ZNF519: variants seen among roughly 807,000 people sequenced by gnomAD.
ZNF519 encodes the protein similar to Zinc finger protein 85 (Zinc finger protein HPF4) (HTF1).
A neutral mutation model predicts 7.4 loss-of-function variants in ZNF519; 7 were observed. The observed-to-expected ratio is 0.94, with a 90% CI of 0.54 to 1.77. ZNF519 has a LOEUF of 1.77. ZNF519 is among the 40% of genes most tolerant of loss of function. ZNF519 has a pLI of 0.00. For synonymous variants in ZNF519, 179 were observed against 203.3 expected, an observed-to-expected ratio of 0.88 and a Z score of 1.02; for missense variants, 586 against 623.1, an observed-to-expected ratio of 0.94 and a Z score of 0.63.
At chr18:14,092,492 C>A (rs2046118612) in intron 2 of ZNF519, among the ~76,000 whole-genome samples, 1 of 152,134 alleles carries the variant, frequency 6.6e-6, no homozygotes, top group African/African-American at 2.4e-5. Flanking sequence ...GAAGTTACCA[C>A]AACAGAGATG....
At chr18:14,107,307 G>A (rs2046198229) in intron 2 of ZNF519, among the ~76,000 whole-genome samples, 1 of 152,184 alleles carries the variant, frequency 6.6e-6, no homozygotes, top group Admixed American at 6.5e-5. Flanking sequence ...CTAGCTCCTA[G>A]TTAAAATTTC....
intron 2 of ZNF519, among the ~76,000 whole-genome samples, chr18:14,094,673 G>T (rs2046128014): frequency 6.6e-6 from 1 of 152,114 alleles, no homozygotes; most frequent in Non-Finnish European, 1.5e-5. Context: ...ATTGGATTTG[G>T]TTTTCTAGTA....
chr18:14,113,318 C>G (rs544489002), intron 2 of ZNF519, among the ~76,000 whole-genome samples: 85 of 152,202 alleles, frequency 5.6e-4, no homozygotes, highest in Non-Finnish European at 8.1e-4. Flanking sequence ...TGATTGCCTC[C>G]TTTGGAAAGG....
intron 3 of ZNF519, chr18:14,078,373 T>C (rs530313006): frequency 6.6e-6 from 1 of 152,268 alleles, no homozygotes; most frequent in Non-Finnish European, 1.5e-5. Context: ...ATTATATATA[T>C]TCTAAGAATA....
intron 2 of ZNF519, among the ~76,000 whole-genome samples, chr18:14,114,629 G>A (rs1390874596): frequency 6.6e-6 from 1 of 152,158 alleles, no homozygotes; most frequent in South Asian, 2.1e-4. Context: ...TGGAGGGAGA[G>A]AGCAGAATTG....
chr18:14,076,004 C>T (rs2046046203), exon 5 of ZNF519: 1 of 151,866 alleles, frequency 6.6e-6, no homozygotes, highest in Non-Finnish European at 1.5e-5. Context: ...ACAAAGTAAG[C>T]AATTTATTAT....
chr18:14,132,318 C>A lies in ZNF519; in HGVS notation c.-41G>T, dbSNP rs757232706. On this transcript the variant is annotated 5_prime_UTR_variant, in exon 1 of 3. An upstream start codon of the reference 5' UTR is lost. Transcript: ENST00000590202. ...GTGTCCTGGAGTCTTAGCTATAAAT[C>A]ATTCAATGCCAGCAGGTCACAGAGC... 30 of 1,611,788 alleles carry A rather than the reference C, an allele frequency of 1.9e-5. No homozygotes were observed. The Middle Eastern group carries it at 1.5e-3, about 80-fold the overall frequency.
intron 3 of ZNF519, among the ~76,000 whole-genome samples, chr18:14,079,023 G>C (rs2046059884): frequency 6.6e-6 from 1 of 152,164 alleles, no homozygotes; most frequent in African/African-American, 2.4e-5. Flanking sequence ...GGCAGATTTT[G>C]GTGGAAGTGA....
rs969861066 is a variant in ZNF519 at position 14,120,591 on chromosome 18, T to A, written c.130+3759A>T. The stretch of plus-strand genomic sequence containing the variant: ...TCTGCACAGGAAAGGAAAAAAAAAT[T>A]TTTTTAAACCTTACAGGACAGAAAA... On this transcript the variant is annotated intron_variant, in intron 2 of 2. Coordinates refer to ENST00000590202, the MANE Select transcript of ZNF519 (RefSeq NM_145287.4). 1.8e-4 allele frequency among the ~76,000 whole-genome samples: 27 copies of A among 152,000 alleles called. 1 individual carries two copies. Among genetic ancestry groups the A allele is most frequent in the African/African-American group, 6.0e-4 (25 of 41,446 alleles).
intron 2 of ZNF519, among the ~76,000 whole-genome samples, chr18:14,119,829 T>C (rs1383827754): frequency 6.6e-6 from 1 of 152,184 alleles, no homozygotes; most frequent in Non-Finnish European, 1.5e-5. Flanking sequence ...AATTTTTATT[T>C]ACAATTGTAT....
Position 14,102,537 on chromosome 18 carries a change from CAT to C in ZNF519, c.*2378_*2379del, listed in dbSNP as rs1002477838. The C allele has an allele frequency of 3.9e-5, 6 of 152,266 alleles. No homozygotes were observed. The highest frequency in any genetic ancestry group is 1.4e-4 in the African/African-American group (6 of 41,550). The allele number at this position is 152,266 out of a possible 1,614,324, so 9.4% of individuals were successfully genotyped here. ...CCTTACTGAATGCAGAAAAAGCAAA[CAT>C]ATAAATTTCAACATTTACAAGTCAC... On this transcript the variant is annotated 3_prime_UTR_variant, in exon 3 of 3. Coordinates refer to ENST00000590202, the MANE Select transcript of ZNF519 (RefSeq NM_145287.4).
Position 14,106,245 on chromosome 18 carries a change from T to A in ZNF519, c.295A>T (p.Asn99Tyr), listed in dbSNP as rs763052495. Reference protein sequence around the residue: ...GEGEGQKECYNLCSQYLTTSH... With the variant: ...GEGEGQKECYYLCSQYLTTSH... ...GTTGTCAAATATTGGCTACATAGATTATAACATTCCTTTTGTCCTTCACCT... is the reference window on the plus strand; with the variant it reads ...GTTGTCAAATATTGGCTACATAGATAATAACATTCCTTTTGTCCTTCACCT... Residue 99 changes from asparagine (N) to tyrosine (Y), a missense_variant, in exon 3 of 3, where the codon AAT becomes TAT. By Grantham distance (143) the Asn-to-Tyr change is moderately radical. Coordinates refer to ENST00000590202, the MANE Select transcript of ZNF519 (RefSeq NM_145287.4). 6.2e-7 allele frequency: 1 copy of A among 1,613,670 alleles called. No homozygotes were observed. The highest frequency in any genetic ancestry group is 8.5e-7 in the Non-Finnish European group (1 of 1,179,912).
At chr18:14,083,176 G>A (rs191824998) in intron 3 of ZNF519, among the ~76,000 whole-genome samples, 10 of 152,008 alleles carry the variant, frequency 6.6e-5, no homozygotes, top group Middle Eastern at 3.4e-3. Context: ...AAGGCAAAAC[G>A]CCATCTCTAC....
At chr18:14,107,943 T>C (rs2046202222) in intron 2 of ZNF519, among the ~76,000 whole-genome samples, 1 of 152,130 alleles carries the variant, frequency 6.6e-6, no homozygotes, top group Admixed American at 6.5e-5. Context: ...CCTAAGGTTA[T>C]TGACTAGCCC....
At chr18:14,085,285 C>T (rs1334193036) in intron 2 of ZNF519, among the ~76,000 whole-genome samples, 2 of 152,026 alleles carry the variant, frequency 1.3e-5, no homozygotes, top group Non-Finnish European at 1.5e-5. Context: ...GCTAATTGTT[C>T]CCTTGCCCGA....
At chr18:14,124,199 T>G in intron 2 of ZNF519, 151 bp downstream of exon 2, 1 of 695,002 alleles carries the variant, frequency 1.4e-6, no homozygotes, top group Non-Finnish European at 2.1e-6. Flanking sequence ...AAAAAGATTT[T>G]CTTTTTTACA....
chr18:14,095,272 GGA>G (rs1284465419), downstream of ZNF519, among the ~76,000 whole-genome samples: 1 of 152,166 alleles, frequency 6.6e-6, no homozygotes, highest in Non-Finnish European at 1.5e-5. Context: ...ATTAGCTTCG[GGA>G]GAGTCACTGT....
At chr18:14,097,939 G>A (rs2046143823), downstream of ZNF519, among the ~76,000 whole-genome samples, 1 of 152,036 alleles carries the variant, frequency 6.6e-6, no homozygotes, top group Non-Finnish European at 1.5e-5. Context: ...AACACAATGA[G>A]TTTGTGGTCA....
chr18:14,081,368 A>G (rs771061517), intron 3 of ZNF519, among the ~76,000 whole-genome samples: 2 of 152,176 alleles, frequency 1.3e-5, no homozygotes, highest in African/African-American at 2.4e-5. Context: ...CATATTTAGG[A>G]AGGTAAAAGA....
Sources: allele counts gnomAD v4.1 joint callset (sites outside exome capture counted in the v4.1 genomes callset), GRCh38; gene constraint gnomAD v4.1.1; transcripts MANE v1.5; gene names NCBI Gene and HGNC (gene_info 2026-07-23, HGNC 2026-07-21).